The following SYT14 variants were observed in gnomAD, a reference collection of about 807,000 sequenced individuals.
SYT14 encodes the protein synaptotagmin-14.
In SYT14, 32 loss-of-function variants were observed where a neutral mutation model predicts 74.2. That is an observed-to-expected ratio of 0.43 (90% CI 0.33 to 0.58). The LOEUF (loss-of-function observed/expected upper bound fraction) is 0.58. Among genes scored for constraint, SYT14 ranks in the 20% least tolerant of loss-of-function variants. The probability of loss-of-function intolerance (pLI) is 0.05; values close to 1 mark genes in which losing one functional copy is unlikely to be tolerated. For synonymous variants in SYT14, 298 were observed against 337.7 expected (o/e 0.88, Z 1.29); for missense variants, 791 against 981.8 (o/e 0.81, Z 2.60).
intron 5 of SYT14, among the ~76,000 whole-genome samples, chr1:210,060,477 T>C (rs939277125): frequency 6.6e-6 from 1 of 152,160 alleles, no homozygotes; most frequent in Non-Finnish European, 1.5e-5. Context: ...TTTGTCTCTA[T>C]GTCAGGATTA....
At chr1:210,133,432 G>T (rs1180459565) in intron 7 of SYT14, among the ~76,000 whole-genome samples, 2 of 152,210 alleles carry the variant, frequency 1.3e-5, no homozygotes, top group Non-Finnish European at 1.5e-5. Flanking sequence ...AGTATAATAA[G>T]AAATGAGTTA....
intron 2 of SYT14, among the ~76,000 whole-genome samples, chr1:209,997,570 A>G (rs182743): frequency 0.88 from 134,013 of 152,130 alleles, 59,397 homozygotes; most frequent in African/African-American, 0.97. Context: ...CAATGCTATC[A>G]CTATTAAACT....
chr1:209,990,962 A>G (rs1329806392), intron 2 of SYT14, among the ~76,000 whole-genome samples: 1 of 152,090 alleles, frequency 6.6e-6, no homozygotes, highest in East Asian at 1.9e-4. Context: ...AGAATAGAGA[A>G]CCCAGAAATA....
intron 5 of SYT14, among the ~76,000 whole-genome samples, chr1:210,033,518 A>G (rs1449906081): frequency 1.3e-5 from 2 of 151,800 alleles, no homozygotes; most frequent in Non-Finnish European, 3.0e-5. Flanking sequence ...CCTTGAGAAT[A>G]TGAGGTGTTT....
At chr1:209,945,294 G>A (rs1282683974) in intron 1 of SYT14, among the ~76,000 whole-genome samples, 3 of 152,128 alleles carry the variant, frequency 2.0e-5, no homozygotes, top group African/African-American at 7.2e-5. Context: ...ACTAGGTGAC[G>A]CTGAGTTTAG....
intron 7 of SYT14, among the ~76,000 whole-genome samples, chr1:210,151,093 A>G (rs964820771): frequency 5.9e-5 from 9 of 152,202 alleles, no homozygotes; most frequent in African/African-American, 1.9e-4. Flanking sequence ...CTCAGGGGGA[A>G]GGAGGGGAAG....
chr1:209,980,978 G>C (rs978929597), intron 2 of SYT14, among the ~76,000 whole-genome samples: 11 of 152,058 alleles, frequency 7.2e-5, no homozygotes, highest in African/African-American at 2.4e-4. Context: ...TTCTAATTCT[G>C]TAAACAATGT....
chr1:209,964,627 A>T (rs1004999148), intron 2 of SYT14, among the ~76,000 whole-genome samples: 10 of 152,168 alleles, frequency 6.6e-5, no homozygotes, highest in African/African-American at 2.4e-4. Flanking sequence ...TCCCAGAAAG[A>T]ATCCTAATGC....
intron 2 of SYT14, among the ~76,000 whole-genome samples, chr1:210,013,087 CT>C (rs550149038): frequency 4.5e-3 from 629 of 139,390 alleles, no homozygotes; most frequent in African/African-American, 9.4e-3. Flanking sequence ...AGACTCCTGT[CT>C]TTTTTTTTTT....
chr1:210,041,444 G>A (rs2102345168), intron 5 of SYT14, among the ~76,000 whole-genome samples: 1 of 152,290 alleles, frequency 6.6e-6, no homozygotes, highest in African/African-American at 2.4e-5. Context: ...TAGTTAAATA[G>A]GTGAAGCCCT....
At chr1:210,131,998 A>G (rs556416791) in intron 7 of SYT14, among the ~76,000 whole-genome samples, 1 of 152,048 alleles carries the variant, frequency 6.6e-6, no homozygotes, top group Middle Eastern at 3.4e-3. Context: ...ATCCCACACT[A>G]GACCACTCTT....
At chr1:210,101,072 C>T (rs187826903) in intron 7 of SYT14, among the ~76,000 whole-genome samples, 1 of 152,184 alleles carries the variant, frequency 6.6e-6, no homozygotes, top group East Asian at 1.9e-4. Flanking sequence ...TTTTTGTCCT[C>T]CAGATGATAA....
At chr1:210,127,674 T>G (rs1166594062) in intron 7 of SYT14, among the ~76,000 whole-genome samples, 4 of 152,150 alleles carry the variant, frequency 2.6e-5, no homozygotes, top group African/African-American at 9.7e-5. Context: ...CTAAAATGAA[T>G]AATTTCTCCT....
chr1:210,071,778 T>C (rs2081399175), intron 5 of SYT14, among the ~76,000 whole-genome samples: 1 of 151,036 alleles, frequency 6.6e-6, no homozygotes, highest in African/African-American at 2.4e-5. Flanking sequence ...ATAATTTTAC[T>C]GATAAAAAAA....
intron 7 of SYT14, among the ~76,000 whole-genome samples, chr1:210,125,059 A>G: frequency 6.6e-6 from 1 of 151,810 alleles, no homozygotes; most frequent in East Asian, 1.9e-4. Context: ...CTCCAGTAAC[A>G]TTCTTTTTCT....
chr1:210,059,449 TATAGAGAGAG>T (rs1345730804), intron 5 of SYT14, among the ~76,000 whole-genome samples: 28 of 89,708 alleles, frequency 3.1e-4, no homozygotes, highest in Non-Finnish European at 4.5e-4. Context: ...TATATATATA[TATAGAGAGAG>T]AGAGAGAGAG....
intron 5 of SYT14, among the ~76,000 whole-genome samples, chr1:210,024,780 G>A (rs1200064420): frequency 1.3e-5 from 2 of 152,140 alleles, no homozygotes; most frequent in Non-Finnish European, 2.9e-5. Flanking sequence ...AGGGCATCAT[G>A]TAAAGACACA....
At chr1:210,143,613 G>T (rs147479512) in intron 7 of SYT14, among the ~76,000 whole-genome samples, 14 of 152,198 alleles carry the variant, frequency 9.2e-5, no homozygotes, top group African/African-American at 2.2e-4. Flanking sequence ...AATACTGTAA[G>T]TTTTGACTTA....
At chr1:210,054,372 G>C (rs2081057527) in intron 5 of SYT14, among the ~76,000 whole-genome samples, 1 of 152,056 alleles carries the variant, frequency 6.6e-6, no homozygotes, top group African/African-American at 2.4e-5. Flanking sequence ...AAAATATCGA[G>C]TTGCTTCTCA....
Sources: allele counts gnomAD v4.1 joint callset (sites outside exome capture counted in the v4.1 genomes callset), GRCh38; gene constraint gnomAD v4.1.1; transcripts MANE v1.5; gene names NCBI Gene and HGNC (gene_info 2026-07-23, HGNC 2026-07-21).